PHIP: variants seen among roughly 807,000 people sequenced by gnomAD.
PHIP encodes the protein PH-interacting protein.
In PHIP, 54 loss-of-function variants were observed where a neutral mutation model predicts 236.8. That is an observed-to-expected ratio of 0.23 (90% CI 0.18 to 0.29). PHIP has a LOEUF of 0.29. Among genes scored for constraint, PHIP ranks in the 10% least tolerant of loss-of-function variants. PHIP has a pLI of 1.00. For synonymous variants in PHIP, 756 were observed against 718.9 expected, an observed-to-expected ratio of 1.05 and a Z score of -0.83; for missense variants, 1,370 against 2,190.8, an observed-to-expected ratio of 0.63 and a Z score of 7.48.
chr6:79,077,012 C>T (rs1286041400), intron 4 of PHIP, among the ~76,000 whole-genome samples: 2 of 152,184 alleles, frequency 1.3e-5, no homozygotes, highest in Admixed American at 1.3e-4. Context: ...AGTTAGTCAC[C>T]AGCTATTGTG....
intron 15 of PHIP, among the ~76,000 whole-genome samples, chr6:79,006,593 A>C (rs753064587): frequency 1.3e-5 from 2 of 152,096 alleles, no homozygotes; most frequent in Non-Finnish European, 2.9e-5. Context: ...TGAAAGGTAT[A>C]TAAGCCTATC....
intron 9 of PHIP, 26 bp downstream of exon 9, chr6:79,025,493 A>G: frequency 7.4e-7 from 1 of 1,347,102 alleles, no homozygotes; most frequent in Non-Finnish European, 1.1e-6. Flanking sequence ...AACACATTTA[A>G]TCTATGAAAT....
chr6:79,046,960 C>A (rs1295980938), intron 6 of PHIP, among the ~76,000 whole-genome samples: 6 of 150,380 alleles, frequency 4.0e-5, no homozygotes, highest in African/African-American at 1.5e-4. Flanking sequence ...CAAAATATCT[C>A]TAAATAGTGC....
intron 31 of PHIP, 39 bp from the exon 32 acceptor site, chr6:78,958,639 A>G (rs1766578537): frequency 4.1e-6 from 5 of 1,205,010 alleles, no homozygotes; most frequent in Non-Finnish European, 6.1e-6. Context: ...ACTTCCTTAT[A>G]TTTAGAAATA....
At chr6:79,015,305 T>C (rs1770784494) in intron 14 of PHIP, 89 bp from the exon 15 acceptor site, 2 of 1,078,072 alleles carry the variant, frequency 1.9e-6, no homozygotes, top group East Asian at 2.5e-5. Flanking sequence ...GCACTATTTC[T>C]AGAAATGGAG....
At chr6:79,043,270 G>C (rs1479012988) in intron 6 of PHIP, among the ~76,000 whole-genome samples, 1 of 152,148 alleles carries the variant, frequency 6.6e-6, no homozygotes. Flanking sequence ...AAGGCATGAA[G>C]CTAGGATTAA....
intron 17 of PHIP, among the ~76,000 whole-genome samples, chr6:79,001,335 T>G (rs1355645218): frequency 6.6e-6 from 1 of 152,096 alleles, no homozygotes; most frequent in African/African-American, 2.4e-5. Context: ...CTCTCAACAC[T>G]TTCCATGTCA....
intron 33 of PHIP, 147 bp from the exon 34 acceptor site, chr6:78,955,429 C>G: frequency 1.6e-6 from 1 of 622,678 alleles, no homozygotes; most frequent in East Asian, 3.1e-5. Context: ...AAAAAGGTTC[C>G]CCCCATTAAA....
At chr6:78,990,489 T>G (rs1769164210) in intron 20 of PHIP, among the ~76,000 whole-genome samples, 1 of 152,146 alleles carries the variant, frequency 6.6e-6, no homozygotes, top group African/African-American at 2.4e-5. Flanking sequence ...GACTTGATTA[T>G]CTAGAATAAT....
At chr6:79,049,184 T>C (rs1462825125) in intron 6 of PHIP, among the ~76,000 whole-genome samples, 3 of 151,932 alleles carry the variant, frequency 2.0e-5, no homozygotes, top group African/African-American at 7.3e-5. Flanking sequence ...TGCCTCAGCC[T>C]CCTGAGTAGC....
chr6:78,962,554 T>C (rs1053439290), intron 30 of PHIP, among the ~76,000 whole-genome samples: 4 of 152,164 alleles, frequency 2.6e-5, no homozygotes, highest in Non-Finnish European at 5.9e-5. Context: ...TGATTCTTTA[T>C]TGAGAGAGTG....
At chr6:79,016,151 C>A (rs988063054) in intron 13 of PHIP, among the ~76,000 whole-genome samples, 1 of 151,892 alleles carries the variant, frequency 6.6e-6, no homozygotes, top group Admixed American at 6.6e-5. Context: ...CACACAAATA[C>A]AAGTGGAGAA....
At chr6:79,014,591 A>C (rs1770748148) in intron 15 of PHIP, among the ~76,000 whole-genome samples, 2 of 151,758 alleles carry the variant, frequency 1.3e-5, no homozygotes, top group African/African-American at 2.4e-5. Flanking sequence ...TCTAAGAAAC[A>C]AAATGTGAAG....
At chr6:79,019,194 T>C in intron 9 of PHIP, 35 bp from the exon 10 acceptor site, 1 of 1,430,698 alleles carries the variant, frequency 7.0e-7, no homozygotes, top group Non-Finnish European at 9.8e-7. Flanking sequence ...AAAAATATCC[T>C]AAAGGAACCA....
intron 24 of PHIP, 136 bp from the exon 25 acceptor site, chr6:78,971,024 C>T (rs1194766515): frequency 1.6e-6 from 1 of 616,780 alleles, no homozygotes; most frequent in Non-Finnish European, 2.8e-6. Context: ...CTCCCTCCTC[C>T]TTTCTCTCAA....
chr6:78,945,818 A>T, intron 38 of PHIP, 183 bp downstream of exon 38: 1 of 616,262 alleles, frequency 1.6e-6, no homozygotes, highest in Middle Eastern at 4.5e-4. Flanking sequence ...GTCTATAATG[A>T]CCTAAACCTC....
intron 6 of PHIP, among the ~76,000 whole-genome samples, chr6:79,058,965 G>A (rs928916621): frequency 3.3e-5 from 5 of 152,052 alleles, no homozygotes; most frequent in African/African-American, 1.2e-4. Flanking sequence ...ACTTTTCTAA[G>A]TACAAATATA....
In PHIP at chr6:79,077,523, AC is replaced by A. The variant is rs758325318; in HGVS notation, c.130-17del. ...GGGGCAGCAGCTGCGGGGAGAGGAC[AC>A]CCCGTGAGCCCGGCCCCCGGCCCCT... On this transcript the variant is annotated splice_polypyrimidine_tract_variant and intron_variant, in intron 3 of 39. Transcript: ENST00000275034. 36 of 1,500,226 alleles carry A rather than the reference AC, an allele frequency of 2.4e-5. No homozygotes were observed. In the South Asian group the frequency reaches 3.9e-4, roughly 16 times the overall value. The allele number at this position is 1,500,226 out of a possible 1,614,324, so 92.9% of individuals were successfully genotyped here. A position where few individuals can be genotyped will look rare whatever the true frequency, so the allele number is the denominator to read the frequency against.
In PHIP at chr6:78,936,599, T is replaced by C. The variant is rs1310082731; in HGVS notation, c.*4094A>G. On this transcript the variant is annotated 3_prime_UTR_variant, in exon 40 of 40. Coordinates refer to ENST00000275034, the MANE Select transcript of PHIP (RefSeq NM_017934.7). ...GGTCTGTGCCATAAGGTTAATTTCC[T>C]GATAATTTTTATCTGCATTAAAAAA... The C allele has an allele frequency of 6.6e-6, 1 of 151,914 alleles. No homozygotes were observed. The highest frequency in any genetic ancestry group is 2.4e-5 in the African/African-American group (1 of 41,430). The allele number at this position is 151,914 out of a possible 1,614,324, so 9.4% of individuals were successfully genotyped here. A position where few individuals can be genotyped will look rare whatever the true frequency, so the allele number is the denominator to read the frequency against.
Sources: allele counts gnomAD v4.1 joint callset (sites outside exome capture counted in the v4.1 genomes callset), GRCh38; gene constraint gnomAD v4.1.1; transcripts MANE v1.5; gene names NCBI Gene and HGNC (gene_info 2026-07-23, HGNC 2026-07-21).